Variants in PTPRQ observed in about 807,000 individuals in gnomAD.
The protein encoded by PTPRQ is phosphatidylinositol phosphatase PTPRQ.
PTPRQ carries 199 observed loss-of-function variants against 246.0 expected under a neutral mutation model. The observed-to-expected ratio is 0.81, with a 90% CI of 0.72 to 0.91. The LOEUF (loss-of-function observed/expected upper bound fraction) is 0.91. Ranked by LOEUF, PTPRQ falls within the 40% of genes least tolerant of loss-of-function variation. The pLI is 0.00. For synonymous variants in PTPRQ, 869 were observed against 853.2 expected (o/e 1.02, Z -0.32); for missense variants, 2,624 against 2,528.4 (o/e 1.04, Z -0.81).
At chr12:80,663,665 A>T (rs982113136) in intron 39 of PTPRQ, among the ~76,000 whole-genome samples, 33 of 151,984 alleles carry the variant, frequency 2.2e-4, no homozygotes, top group African/African-American at 7.5e-4. Context: ...CAAAATTCAT[A>T]TAAAATATTG....
At position 80,664,572 on chromosome 12, in the gene PTPRQ, T is replaced by C. The variant is rs548015115; in HGVS notation, c.6193-4435T>C. On this transcript the variant is annotated intron_variant, in intron 39 of 44. Transcript: ENST00000644991. ...ATTGTAATTTCTTACATCATAAAAA[T>C]ATCTTGATATTATAGGTTTCTCTCT... is the stretch of plus-strand genomic sequence containing the variant. 2.0e-5 allele frequency among the ~76,000 whole-genome samples: 3 copies of C among 152,144 alleles called. No individual in the cohort carries two copies. In the South Asian group the frequency reaches 6.2e-4, roughly 31 times the overall value.
chr12:80,482,828 A>G (rs1167214684), intron 8 of PTPRQ, among the ~76,000 whole-genome samples: 2 of 144,222 alleles, frequency 1.4e-5, no homozygotes, highest in South Asian at 4.3e-4. Flanking sequence ...ACAATGAGAT[A>G]TCATCTCACA....
chr12:80,595,509 A>G (rs1176879894), intron 26 of PTPRQ, among the ~76,000 whole-genome samples: 3 of 152,060 alleles, frequency 2.0e-5, no homozygotes, highest in Non-Finnish European at 2.9e-5. Flanking sequence ...TCTCTTGGCC[A>G]GTAGCTTTTC....
At chr12:80,635,843 AT>A (rs1321794407) in intron 35 of PTPRQ, among the ~76,000 whole-genome samples, 82 of 152,312 alleles carry the variant, frequency 5.4e-4, no homozygotes, top group African/African-American at 1.9e-3. Flanking sequence ...TGTAATGCTT[AT>A]AAGCACAAAG....
intron 8 of PTPRQ, among the ~76,000 whole-genome samples, chr12:80,480,049 C>G (rs9668331): frequency 0.89 from 135,822 of 151,774 alleles, 61,339 homozygotes; most frequent in Non-Finnish European, 0.93. Flanking sequence ...GAACTCTCCA[C>G]CCCAAATCAA....
chr12:80,540,581 G>A (rs1896122566), intron 20 of PTPRQ, among the ~76,000 whole-genome samples: 1 of 151,934 alleles, frequency 6.6e-6, no homozygotes, highest in South Asian at 2.1e-4. Context: ...ATCCCTTATT[G>A]AGAAGTGGCA....
intron 3 of PTPRQ, among the ~76,000 whole-genome samples, chr12:80,451,352 GA>G (rs1487550968): frequency 8.9e-6 from 1 of 112,954 alleles, no homozygotes; most frequent in Non-Finnish European, 1.8e-5. Flanking sequence ...TTAATTTTTT[GA>G]AGGGTTTTTT....
At chr12:80,445,926 T>A (rs1206564107) in intron 3 of PTPRQ, among the ~76,000 whole-genome samples, 1 of 151,938 alleles carries the variant, frequency 6.6e-6, no homozygotes, top group Non-Finnish European at 1.5e-5. Flanking sequence ...CATATTTATA[T>A]ATTACCTATT....
chr12:80,558,119 C>CTTTCTTTCTTTTCTTTTCT (rs1555197999), intron 25 of PTPRQ, among the ~76,000 whole-genome samples: 3 of 95,662 alleles, frequency 3.1e-5, no homozygotes, highest in East Asian at 2.9e-4. Flanking sequence ...TCTTTTCTTT[C>CTTTCTTTCTTTTCTTTTCT]TTTCTTTTCT....
chr12:80,623,833 A>G (rs564348817), intron 33 of PTPRQ, among the ~76,000 whole-genome samples: 11 of 152,150 alleles, frequency 7.2e-5, no homozygotes, highest in Non-Finnish European at 1.3e-4. Context: ...AATGAGAAAG[A>G]AAAGCTATAA....
intron 3 of PTPRQ, among the ~76,000 whole-genome samples, chr12:80,451,036 C>T (rs1182213721): frequency 6.6e-6 from 1 of 152,110 alleles, no homozygotes; most frequent in African/African-American, 2.4e-5. Context: ...CAAGCTATCG[C>T]TTATTGCCAC....
chr12:80,658,767 T>C (rs1900531824), intron 39 of PTPRQ, among the ~76,000 whole-genome samples: 1 of 152,052 alleles, frequency 6.6e-6, no homozygotes, highest in South Asian at 2.1e-4. Flanking sequence ...CATAGCAAGC[T>C]TAACCATCTT....
chr12:80,511,425 T>C (rs1895125109), intron 17 of PTPRQ, among the ~76,000 whole-genome samples: 3 of 152,194 alleles, frequency 2.0e-5, no homozygotes, highest in Admixed American at 2.0e-4. Flanking sequence ...CATTACCCTA[T>C]TTATTTATTC....
At position 80,617,161 on chromosome 12, in the gene PTPRQ, G is replaced by C. The variant is rs1267114656; in HGVS notation, c.5230+895G>C. On this transcript the variant is annotated intron_variant, in intron 30 of 44. Transcript: ENST00000644991. ...TGGATTAGCCACTTGATATCTATTT[G>C]ACTTTGAGAAAGTTTCTTAACCTCT... is the stretch of plus-strand genomic sequence containing the variant. 2.0e-5 allele frequency among the ~76,000 whole-genome samples: 3 copies of C among 151,102 alleles called. No homozygotes were observed. The East Asian group carries it at 5.8e-4, about 29-fold the overall frequency.
At chr12:80,659,064 A>G (rs1900543527) in intron 39 of PTPRQ, among the ~76,000 whole-genome samples, 1 of 152,080 alleles carries the variant, frequency 6.6e-6, no homozygotes, top group Non-Finnish European at 1.5e-5. Context: ...CTGTTGTCAA[A>G]GGAGTGAATA....
chr12:80,450,167 G>T (rs1342081043), intron 3 of PTPRQ, among the ~76,000 whole-genome samples: 2 of 151,966 alleles, frequency 1.3e-5, no homozygotes, highest in African/African-American at 4.8e-5. Context: ...CTCATGATTT[G>T]GCTCTCTGTT....
Position 80,678,649 on chromosome 12 carries a change from T to C in PTPRQ, c.6786T>C (p.Asn2262=). The change falls in exon 44 of 45, where the codon AAT becomes AAC. Residue 2262 remains asparagine (N), a synonymous_variant. Coordinates refer to ENST00000644991, the MANE Select transcript of PTPRQ (RefSeq NM_001145026.2). ...AGTGCATTCTGGATCTCTTATCAAATAAGGGAAGTAATCAGCCCATCTGTT... is the reference window on the plus strand; with the variant it reads ...AGTGCATTCTGGATCTCTTATCAAACAAGGGAAGTAATCAGCCCATCTGTT... ...LHQCILDLLS[N]KGSNQPICFV... is the part of the protein sequence containing the mutation. 1.3e-6 allele frequency: 2 copies of C among 1,550,548 alleles called. No homozygotes were observed. The highest frequency in any genetic ancestry group is 1.7e-6 in the Non-Finnish European group (2 of 1,146,248).
chr12:80,555,467 C>T (rs775921981), intron 25 of PTPRQ, among the ~76,000 whole-genome samples: 11 of 152,040 alleles, frequency 7.2e-5, no homozygotes, highest in Non-Finnish European at 1.5e-4. Flanking sequence ...CCTTCTATGG[C>T]TACAAATTAG....
chr12:80,494,937 T>C lies in PTPRQ; in HGVS notation c.1545T>C (p.Thr515=). 1 of 1,538,266 alleles carries C rather than the reference T, an allele frequency of 6.5e-7. No homozygotes were observed. The change falls in exon 11 of 45, where the codon ACT becomes ACC. Residue 515 remains threonine, a synonymous_variant. Transcript: ENST00000644991. ...CTTTTTACTGAATTCAAACAGTAAC[T>C]ACAAGGAATCAGTATATTACTGACA... ...RAEDQTSPVV[T]TRNQYITDIA...
Sources: allele counts gnomAD v4.1 joint callset (sites outside exome capture counted in the v4.1 genomes callset), GRCh38; gene constraint gnomAD v4.1.1; transcripts MANE v1.5; gene names NCBI Gene and HGNC (gene_info 2026-07-23, HGNC 2026-07-21).